The following ERBB4 variants were observed in gnomAD, a reference collection of about 807,000 sequenced individuals.
ERBB4 encodes receptor tyrosine-protein kinase erbB-4.
Under a neutral mutation model 158.0 loss-of-function variants are expected in ERBB4, and 42 were observed. That is an observed-to-expected ratio of 0.27 (90% confidence interval 0.21 to 0.34). The LOEUF is 0.34. Ranked by LOEUF, ERBB4 falls within the 10% of genes least tolerant of loss-of-function variation. ERBB4 has a pLI of 1.00. For synonymous variants in ERBB4, 583 were observed against 558.7 expected (o/e 1.04, Z -0.61); for missense variants, 1,333 against 1,624.1 (o/e 0.82, Z 3.08).
intron 19 of ERBB4, among the ~76,000 whole-genome samples, chr2:211,613,864 T>A (rs996024096): frequency 1.3e-5 from 2 of 152,020 alleles, no homozygotes; most frequent in African/African-American, 4.8e-5. Context: ...CTTTGGAGGT[T>A]CCTCAAAAAA....
intron 1 of ERBB4, among the ~76,000 whole-genome samples, chr2:212,257,865 C>A (rs914193262): frequency 2.0e-5 from 3 of 151,970 alleles, no homozygotes; most frequent in South Asian, 2.1e-4. Context: ...AAAAAAAAAG[C>A]ATGGTCTAAT....
chr2:212,291,497 G>A (rs2106181261), intron 1 of ERBB4, among the ~76,000 whole-genome samples: 1 of 152,118 alleles, frequency 6.6e-6, no homozygotes, highest in East Asian at 1.9e-4. Context: ...ATTTGTGCAA[G>A]GATGATAAAA....
At chr2:212,172,386 C>T (rs1017196251) in intron 1 of ERBB4, among the ~76,000 whole-genome samples, 1 of 152,108 alleles carries the variant, frequency 6.6e-6, no homozygotes, top group African/African-American at 2.4e-5. Flanking sequence ...GGCAGAAATA[C>T]CGTTTGACTC....
rs887648602 is a variant in ERBB4, at chr2:211,850,381, T to C, written c.422-62222A>G. Among the ~76,000 whole-genome samples, 5 of 151,898 alleles carry C rather than the reference T, an allele frequency of 3.3e-5. 1 individual carries two copies. The East Asian group carries it at 7.7e-4, about 23-fold the overall frequency. On this transcript the variant is annotated intron_variant, in intron 3 of 27. Transcript: ENST00000342788. ...TCAACATATATGTAGTGTATATATA[T>C]GTTGAATAATTTTTCAACTTGTGTT... is the stretch of plus-strand genomic sequence containing the variant.
At chr2:212,482,700 T>A (rs554021624) in intron 1 of ERBB4, among the ~76,000 whole-genome samples, 14 of 152,206 alleles carry the variant, frequency 9.2e-5, no homozygotes, top group Non-Finnish European at 1.9e-4. Flanking sequence ...CACTGCAACC[T>A]CTATCTCCTG....
intron 3 of ERBB4, among the ~76,000 whole-genome samples, chr2:211,863,723 C>T (rs780780999): frequency 7.2e-5 from 11 of 152,122 alleles, no homozygotes; most frequent in East Asian, 1.9e-4. Context: ...AGAGCTGTAA[C>T]GCTCACTGTG....
At chr2:212,070,905 T>C (rs2078096252) in intron 2 of ERBB4, among the ~76,000 whole-genome samples, 1 of 151,976 alleles carries the variant, frequency 6.6e-6, no homozygotes, top group African/African-American at 2.4e-5. Flanking sequence ...ATGTCCCCGT[T>C]TTCTCTAACG....
chr2:211,665,706 T>C (rs1308017576), intron 14 of ERBB4, among the ~76,000 whole-genome samples: 2 of 152,210 alleles, frequency 1.3e-5, no homozygotes, highest in Admixed American at 1.3e-4. Flanking sequence ...GAAAACACTA[T>C]AATAATGTAT....
At chr2:212,008,201 G>A (rs965090068) in intron 2 of ERBB4, among the ~76,000 whole-genome samples, 3 of 151,868 alleles carry the variant, frequency 2.0e-5, no homozygotes, top group Admixed American at 2.0e-4. Context: ...TATTCTACTA[G>A]TCTACAGGGG....
intron 20 of ERBB4, among the ~76,000 whole-genome samples, chr2:211,448,795 A>G (rs1447335961): frequency 6.6e-6 from 1 of 152,166 alleles, no homozygotes; most frequent in Non-Finnish European, 1.5e-5. Flanking sequence ...ATGTCTGTTA[A>G]CACTGAGGTC....
intron 14 of ERBB4, among the ~76,000 whole-genome samples, chr2:211,671,730 A>T (rs1305530639): frequency 2.0e-5 from 3 of 152,204 alleles, no homozygotes; most frequent in Admixed American, 2.0e-4. Flanking sequence ...TCCATGATTA[A>T]TAGTCAAGAA....
chr2:212,017,999 C>A (rs753826617), intron 2 of ERBB4, among the ~76,000 whole-genome samples: 31 of 152,190 alleles, frequency 2.0e-4, no homozygotes, highest in Non-Finnish European at 4.0e-4. Context: ...TATGGGAGAT[C>A]AACATTATAC....
At chr2:212,224,861 C>T (rs995181183) in intron 1 of ERBB4, among the ~76,000 whole-genome samples, 8 of 151,856 alleles carry the variant, frequency 5.3e-5, no homozygotes, top group African/African-American at 1.2e-4. Flanking sequence ...TTTGAATTTG[C>T]ATTTAAATTT....
At chr2:212,329,595 C>T (rs1005318824) in intron 1 of ERBB4, among the ~76,000 whole-genome samples, 1 of 151,966 alleles carries the variant, frequency 6.6e-6, no homozygotes, top group African/African-American at 2.4e-5. Flanking sequence ...TAAGAAATAG[C>T]AACGTCAGGC....
At chr2:211,751,904 C>A (rs2106212498) in intron 4 of ERBB4, among the ~76,000 whole-genome samples, 1 of 152,244 alleles carries the variant, frequency 6.6e-6, no homozygotes, top group Non-Finnish European at 1.5e-5. Context: ...GTACTATTTC[C>A]AAGTTAATAA....
chr2:212,334,813 C>A (rs1488766603), intron 1 of ERBB4, among the ~76,000 whole-genome samples: 5 of 151,874 alleles, frequency 3.3e-5, no homozygotes, highest in African/African-American at 1.2e-4. Flanking sequence ...TTTAAATGCT[C>A]ATTTCATTTC....
rs75006556 is a variant in ERBB4 at position 211,661,221 on chromosome 2, C to T, written c.1872-3393G>A. Among the ~76,000 whole-genome samples, 198 of 152,108 alleles carry T rather than the reference C, an allele frequency of 1.3e-3. 1 individual carries two copies. The East Asian group carries it at 0.02, about 16-fold the overall frequency. On this transcript the variant is annotated intron_variant, in intron 15 of 27. Transcript: ENST00000342788. ...GGCACCATTCTTTCTAAATACAAGC[C>T]GCTGAAAACTAAAATATGTATATTG...
chr2:212,176,241 G>A (rs1575750717), intron 1 of ERBB4, among the ~76,000 whole-genome samples: 1 of 151,856 alleles, frequency 6.6e-6, no homozygotes, highest in Non-Finnish European at 1.5e-5. Context: ...ATAACCAAAT[G>A]TTTATGTCCT....
At chr2:211,522,735 A>G (rs1038005603) in intron 20 of ERBB4, among the ~76,000 whole-genome samples, 8 of 152,148 alleles carry the variant, frequency 5.3e-5, no homozygotes, top group African/African-American at 1.4e-4. Flanking sequence ...CTGACTCACT[A>G]AAGGCTTAGA....
Sources: allele counts gnomAD v4.1 joint callset (sites outside exome capture counted in the v4.1 genomes callset), GRCh38; gene constraint gnomAD v4.1.1; transcripts MANE v1.5; gene names NCBI Gene and HGNC (gene_info 2026-07-23, HGNC 2026-07-21).